Variants in ZMIZ1 observed in about 807,000 individuals in gnomAD.
ZMIZ1 encodes the protein zinc finger MIZ domain-containing protein 1.
Under a neutral mutation model 113.9 loss-of-function variants are expected in ZMIZ1, and 17 were observed. The ratio of observed to expected loss-of-function variants is 0.15; its 90% confidence interval spans 0.10 to 0.22. The LOEUF (loss-of-function observed/expected upper bound fraction) is 0.22. Among genes scored for constraint, ZMIZ1 ranks in the 10% least tolerant of loss-of-function variants. The probability of loss-of-function intolerance (pLI) is 1.00; values close to 1 mark genes in which losing one functional copy is unlikely to be tolerated. For synonymous variants in ZMIZ1, 607 were observed against 603.1 expected, an observed-to-expected ratio of 1.01 and a Z score of -0.09; for missense variants, 1,059 against 1,477.8, an observed-to-expected ratio of 0.72 and a Z score of 4.65.
At chr10:79,297,383 T>G (rs1426409409) in intron 13 of ZMIZ1, among the ~76,000 whole-genome samples, 1 of 152,244 alleles carries the variant, frequency 6.6e-6, no homozygotes, top group East Asian at 1.9e-4. Flanking sequence ...TTCAGCATAC[T>G]AGGTGTTGCT....
chr10:79,131,892 CCCTTA>C (rs1485052636), intron 2 of ZMIZ1, among the ~76,000 whole-genome samples: 2 of 152,194 alleles, frequency 1.3e-5, no homozygotes, highest in African/African-American at 4.8e-5. Context: ...TCTTTGTCTT[CCCTTA>C]CAAGTTCAGA....
intron 2 of ZMIZ1, among the ~76,000 whole-genome samples, 153 bp from the exon 3 acceptor site, chr10:79,139,502 TGGAGTGTGGCTGGGCGGGGAAGACACA>T (rs1368570212): frequency 6.6e-6 from 1 of 152,220 alleles, no homozygotes; most frequent in Non-Finnish European, 1.5e-5. Context: ...GCTTGCTGGT[TGGAGTGTGGCTGGGCGGGGAAGACACA>T]GCCAGCTCTG....
chr10:79,132,196 T>C (rs1303908582), intron 2 of ZMIZ1, among the ~76,000 whole-genome samples: 2 of 152,178 alleles, frequency 1.3e-5, no homozygotes, highest in Non-Finnish European at 2.9e-5. Flanking sequence ...GCAGGTAATA[T>C]TGTTCCCCTT....
intron 4 of ZMIZ1, among the ~76,000 whole-genome samples, chr10:79,171,701 TG>T (rs1338959921): frequency 6.6e-6 from 1 of 152,082 alleles, no homozygotes; most frequent in African/African-American, 2.4e-5. Flanking sequence ...GAGGAGTCCT[TG>T]GGGAGTGAGG....
intron 4 of ZMIZ1, among the ~76,000 whole-genome samples, chr10:79,182,299 T>G (rs922472882): frequency 6.6e-6 from 1 of 152,196 alleles, no homozygotes; most frequent in Non-Finnish European, 1.5e-5. Context: ...AAGTCTGGGC[T>G]GCCTGGCTGC....
intron 1 of ZMIZ1, among the ~76,000 whole-genome samples, chr10:79,113,405 GCCC>G: frequency 6.6e-6 from 1 of 152,196 alleles, no homozygotes; most frequent in Non-Finnish European, 1.5e-5. Context: ...AGGTGCTGCT[GCCC>G]GGGCAGCTAG....
chr10:79,304,892 G>C (rs1854575217), intron 19 of ZMIZ1, among the ~76,000 whole-genome samples: 1 of 152,218 alleles, frequency 6.6e-6, no homozygotes, highest in Admixed American at 6.5e-5. Context: ...CAGTGAGTCA[G>C]CTGGGGTGGG....
intron 1 of ZMIZ1, among the ~76,000 whole-genome samples, chr10:79,112,680 C>G (rs1045833987): frequency 1.3e-5 from 2 of 152,160 alleles, no homozygotes; most frequent in African/African-American, 4.8e-5. Context: ...GCTGATTGCA[C>G]ATATATCCCA....
At chr10:79,081,349 G>C (rs1455522347) in intron 1 of ZMIZ1, among the ~76,000 whole-genome samples, 2 of 152,194 alleles carry the variant, frequency 1.3e-5, no homozygotes, top group South Asian at 2.1e-4. Flanking sequence ...TCTGGTAAGA[G>C]TCTGGGCAGC....
chr10:79,262,718 A>G (rs1461167254), intron 7 of ZMIZ1, among the ~76,000 whole-genome samples: 8 of 151,972 alleles, frequency 5.3e-5, no homozygotes, highest in Non-Finnish European at 1.0e-4. Flanking sequence ...TAAAACCGGT[A>G]GCTAGCATGC....
intron 3 of ZMIZ1, among the ~76,000 whole-genome samples, chr10:79,152,534 C>T (rs1353250281): frequency 6.6e-6 from 1 of 152,206 alleles, no homozygotes; most frequent in Non-Finnish European, 1.5e-5. Context: ...ATAACCCACC[C>T]CAAACAAGTT....
intron 23 of ZMIZ1, among the ~76,000 whole-genome samples, chr10:79,310,176 C>T (rs888078240): frequency 1.3e-5 from 2 of 152,200 alleles, no homozygotes; most frequent in South Asian, 4.1e-4. Flanking sequence ...CTTGGAGTCC[C>T]AGAGGTGCCT....
At chr10:79,257,000 C>T (rs772774919) in intron 7 of ZMIZ1, among the ~76,000 whole-genome samples, 2 of 152,222 alleles carry the variant, frequency 1.3e-5, no homozygotes, top group Non-Finnish European at 2.9e-5. Context: ...GTGCTTCTTC[C>T]TAGATGCTGT....
chr10:79,151,156 C>G (rs1267730783), intron 3 of ZMIZ1, among the ~76,000 whole-genome samples: 5 of 152,128 alleles, frequency 3.3e-5, no homozygotes, highest in African/African-American at 9.7e-5. Flanking sequence ...CAGGGAAGAC[C>G]AGGCACCTGA....
At chr10:79,275,320 C>T (rs1489346966) in intron 7 of ZMIZ1, among the ~76,000 whole-genome samples, 2 of 152,112 alleles carry the variant, frequency 1.3e-5, no homozygotes, top group African/African-American at 4.8e-5. Context: ...GGTGACCCCA[C>T]GGAGGGGGGC....
At chr10:79,250,734 T>C (rs924642586) in intron 7 of ZMIZ1, among the ~76,000 whole-genome samples, 2 of 152,180 alleles carry the variant, frequency 1.3e-5, no homozygotes, top group African/African-American at 4.8e-5. Context: ...CCAGCCATCC[T>C]AGTGAGAGTG....
intron 1 of ZMIZ1, among the ~76,000 whole-genome samples, chr10:79,089,681 A>G (rs376161807): frequency 7.9e-5 from 12 of 151,858 alleles, no homozygotes; most frequent in African/African-American, 2.9e-4. Flanking sequence ...TGAGATCACC[A>G]CCTCCGTGAG....
At chr10:79,248,725 C>T (rs939199568) in intron 7 of ZMIZ1, among the ~76,000 whole-genome samples, 2 of 152,210 alleles carry the variant, frequency 1.3e-5, no homozygotes, top group Non-Finnish European at 2.9e-5. Context: ...CTCCCCACAA[C>T]AGTCCTCTGC....
intron 7 of ZMIZ1, among the ~76,000 whole-genome samples, chr10:79,244,979 C>T (rs1564547443): frequency 1.3e-5 from 2 of 152,174 alleles, no homozygotes; most frequent in Admixed American, 6.5e-5. Flanking sequence ...ACAAGCCTTT[C>T]CCCTTTTTTT....
Sources: gnomAD v4.1 joint callset for allele counts (sites outside exome capture counted in the v4.1 genomes callset) on GRCh38, gnomAD v4.1.1 for gene constraint, MANE v1.5 for transcripts, NCBI Gene and HGNC (gene_info 2026-07-23, HGNC 2026-07-21) for gene names.